TRIM54: variants seen among roughly 807,000 people sequenced by gnomAD.
TRIM54 encodes the protein tripartite motif-containing protein 54.
In TRIM54, 40 loss-of-function variants were observed where a neutral mutation model predicts 42.0. The ratio of observed to expected loss-of-function variants is 0.95; its 90% CI spans 0.74 to 1.24. The LOEUF (loss-of-function observed/expected upper bound fraction) is 1.24. Among genes scored for constraint, TRIM54 ranks in the 50% most tolerant of loss-of-function variants. The pLI, the probability that TRIM54 is intolerant of heterozygous loss-of-function variation, is 0.00. For missense variants in TRIM54, 485 were observed against 480.3 expected (o/e 1.01, Z -0.09); for synonymous variants, 199 against 194.9 (o/e 1.02, Z -0.17).
intron 1 of TRIM54, among the ~76,000 whole-genome samples, chr2:27,293,490 T>C (rs981432070): frequency 6.6e-6 from 1 of 152,154 alleles, no homozygotes; most frequent in African/African-American, 2.4e-5. Flanking sequence ...TCCCCTGAGA[T>C]TTGAGCTATT....
intron 3 of TRIM54, 118 bp downstream of exon 3, chr2:27,299,534 A>G: frequency 6.5e-7 from 1 of 1,535,842 alleles, no homozygotes; most frequent in Non-Finnish European, 8.7e-7. Flanking sequence ...ATTTAGAAAC[A>G]GGATCTCACT....
At chr2:27,286,489 A>G (rs987432319) in intron 1 of TRIM54, among the ~76,000 whole-genome samples, 3 of 152,316 alleles carry the variant, frequency 2.0e-5, no homozygotes, top group South Asian at 4.1e-4. Context: ...CACTAAAGGA[A>G]AGCTGTTGGT....
At chr2:27,283,775 C>A (rs1678463329) in intron 1 of TRIM54, among the ~76,000 whole-genome samples, 1 of 91,276 alleles carries the variant, frequency 1.1e-5, no homozygotes, top group African/African-American at 6.0e-5. Flanking sequence ...CACACACACA[C>A]ACACGCGCGC....
chr2:27,290,843 T>C (rs1678700505), intron 1 of TRIM54, among the ~76,000 whole-genome samples: 1 of 152,156 alleles, frequency 6.6e-6, no homozygotes, highest in Non-Finnish European at 1.5e-5. Context: ...CCAGAGATGT[T>C]ACCTATAAGG....
chr2:27,306,123 G>A lies in TRIM54; in HGVS notation c.866+21G>A, dbSNP rs1488958777. On this transcript the variant is annotated intron_variant, in intron 6 of 8. Transcript: ENST00000380075. This position sits in a 1 kb window ranked among gnomAD's most constrained non-coding sequence, Gnocchi z 6.1. ...AATAAGTGAGTAGGCATAGCGGGAA[G>A]GGAAAGGAGGGGGCTGCACTGCTCC... is the stretch of plus-strand genomic sequence containing the variant. The A allele has an allele frequency of 1.2e-6, 2 of 1,614,052 alleles. No homozygotes were observed. The highest frequency in any genetic ancestry group is 1.7e-6 in the Non-Finnish European group (2 of 1,180,028).
chr2:27,304,922 G>T (rs1322399516), intron 3 of TRIM54, 37 bp from the exon 4 acceptor site: 2 of 1,598,654 alleles, frequency 1.3e-6, no homozygotes, highest in Non-Finnish European at 1.7e-6. Flanking sequence ...CTCTAGGCCA[G>T]GTCCCAGCTC....
chr2:27,306,642 C>G lies in TRIM54; in HGVS notation c.*1+100C>G. ...CGTCCCCTCCCCCAGTGATTGCCCT[C>G]CCTGCGGGTAGCGTGGAGCCCCCAC... is the stretch of plus-strand genomic sequence containing the variant. On this transcript the variant is annotated intron_variant, in intron 8 of 8. Coordinates refer to ENST00000380075, the MANE Select transcript of TRIM54 (RefSeq NM_187841.3). This position sits in a 1 kb window ranked among gnomAD's most constrained non-coding sequence, Gnocchi z 6.1. 1.6e-6 allele frequency: 2 copies of G among 1,246,110 alleles called. No homozygotes were observed. The highest frequency in any genetic ancestry group is 2.2e-6 in the Non-Finnish European group (2 of 913,426). The allele number at this position is 1,246,110 out of a possible 1,614,324, so 77.2% of individuals were successfully genotyped here.
chr2:27,291,694 T>C (rs1177943806), intron 1 of TRIM54, among the ~76,000 whole-genome samples: 1 of 152,200 alleles, frequency 6.6e-6, no homozygotes, highest in African/African-American at 2.4e-5. Context: ...TATGTAAATA[T>C]TGGCCAGAAA....
chr2:27,299,170 G>A lies in TRIM54; in HGVS notation c.342-75G>A, dbSNP rs1298999934. The stretch of plus-strand genomic sequence containing the variant: ...GGGGCGGAGAAGGTGGTGGCAGTTG[G>A]TGGAGGCTGAAGAGAAGGTATTCCT... On this transcript the variant is annotated intron_variant, in intron 2 of 8. Transcript: ENST00000380075. 5 of 1,545,388 alleles carry A rather than the reference G, an allele frequency of 3.2e-6. No homozygotes were observed. The East Asian group carries it at 1.1e-4, about 35-fold the overall frequency.
At chr2:27,284,159 C>T (rs1013936069) in intron 1 of TRIM54, among the ~76,000 whole-genome samples, 1 of 152,040 alleles carries the variant, frequency 6.6e-6, no homozygotes, top group African/African-American at 2.4e-5. Flanking sequence ...AAACAAACCC[C>T]GAATAGACCA....
rs1238309376 is a variant in TRIM54 at position 27,298,558 on chromosome 2, TC to T, written c.169-6del. On this transcript the variant is annotated splice_region_variant and splice_polypyrimidine_tract_variant and intron_variant, in intron 1 of 8. Coordinates refer to ENST00000380075, the MANE Select transcript of TRIM54 (RefSeq NM_187841.3). ...CGTGCCTGTTCTCTCAAGCCATCTGTCCCTGCAGGCCTCGAATCCTCTATGG... is the reference window on the plus strand; with the variant it reads ...CGTGCCTGTTCTCTCAAGCCATCTGTCCTGCAGGCCTCGAATCCTCTATGG... 1 of 1,611,036 alleles carries T rather than the reference TC, an allele frequency of 6.2e-7. No homozygotes were observed. Among genetic ancestry groups the T allele is most frequent in the African/African-American group, 1.3e-5 (1 of 74,850 alleles).
At chr2:27,298,411 C>T (rs754371835) in intron 1 of TRIM54, among the ~76,000 whole-genome samples, 156 bp from the exon 2 acceptor site, 16 of 152,142 alleles carry the variant, frequency 1.1e-4, no homozygotes, top group Admixed American at 8.5e-4. Context: ...GTCCACCGTG[C>T]GCTGCTCTCA....
Position 27,305,716 on chromosome 2 carries a change from G to C in TRIM54, c.742G>C (p.Gly248Arg). The C allele has an allele frequency of 3.7e-6, 6 of 1,612,288 alleles. No homozygotes were observed. The highest frequency in any genetic ancestry group is 5.1e-6 in the Non-Finnish European group (6 of 1,179,312). ...AGAGGAGAAGCTGCAGCGCGTCCGC[G>C]GCCTCATCCGTCAGTATGGCGACCA... ...EQEEKLQRVR[G>R]LIRQYGDHLE... The change falls in exon 5 of 9, where the codon GGC (glycine) becomes CGC (arginine). Residue 248 changes from glycine (G) to arginine (R), a missense_variant. Coordinates refer to ENST00000380075, the MANE Select transcript of TRIM54 (RefSeq NM_187841.3).
intron 1 of TRIM54, among the ~76,000 whole-genome samples, chr2:27,288,715 G>A (rs1335194808): frequency 1.3e-5 from 2 of 152,204 alleles, no homozygotes; most frequent in Admixed American, 1.3e-4. Context: ...TCGAATGGAT[G>A]TTATCTCCGT....
intron 1 of TRIM54, among the ~76,000 whole-genome samples, chr2:27,290,575 G>C (rs1678694240): frequency 6.6e-6 from 1 of 152,186 alleles, no homozygotes; most frequent in Non-Finnish European, 1.5e-5. Flanking sequence ...GAACCCAGGA[G>C]GTAGAAGTTG....
At chr2:27,296,745 T>G (rs1413858231) in intron 1 of TRIM54, among the ~76,000 whole-genome samples, 1 of 152,020 alleles carries the variant, frequency 6.6e-6, no homozygotes, top group African/African-American at 2.4e-5. Flanking sequence ...GAAGGGAGGC[T>G]TAGATTCATG....
In TRIM54 at chr2:27,307,395, C is replaced by T; in HGVS notation, c.*510C>T. The T allele has an allele frequency of 2.8e-6, 4 of 1,448,504 alleles. No individual in the cohort carries two copies. In the South Asian group the frequency reaches 5.5e-5, roughly 20 times the overall value. 89.7% of individuals were successfully genotyped at this position (1,448,504 alleles called of 1,614,324 possible). A position where few individuals can be genotyped will look rare whatever the true frequency, so the allele number is the denominator to read the frequency against. On this transcript the variant is annotated 3_prime_UTR_variant, in exon 9 of 9. Coordinates refer to ENST00000380075, the MANE Select transcript of TRIM54 (RefSeq NM_187841.3). This position sits in a 1 kb window ranked among gnomAD's most constrained non-coding sequence, Gnocchi z 6.9. ...GACTGCCCTGCCTCTACGACAAAAGCCAACGGGTCTTCAGTACTTTTATTA... is the reference window on the plus strand; with the variant it reads ...GACTGCCCTGCCTCTACGACAAAAGTCAACGGGTCTTCAGTACTTTTATTA...
At chr2:27,285,207 G>A (rs930255167) in intron 1 of TRIM54, among the ~76,000 whole-genome samples, 1 of 152,180 alleles carries the variant, frequency 6.6e-6, no homozygotes, top group African/African-American at 2.4e-5. Context: ...ACTTAGATCT[G>A]TGTATCTCAA....
chr2:27,293,146 G>T (rs577951053), intron 1 of TRIM54, among the ~76,000 whole-genome samples: 1 of 152,010 alleles, frequency 6.6e-6, no homozygotes, highest in African/African-American at 2.4e-5. Flanking sequence ...GTATTATCTG[G>T]TTTGCATCTT....
Sources: allele counts gnomAD v4.1 joint callset (sites outside exome capture counted in the v4.1 genomes callset), GRCh38; gene constraint gnomAD v4.1.1; non-coding constraint Gnocchi (gnomAD v3.1); transcripts MANE v1.5; gene names NCBI Gene and HGNC (gene_info 2026-07-23, HGNC 2026-07-21).